The following TMPRSS6 variants were observed in gnomAD, a reference collection of about 807,000 sequenced individuals.
TMPRSS6 encodes the protein transmembrane protease serine 6.
TMPRSS6 carries 67 observed loss-of-function variants against 101.5 expected under a neutral mutation model. That is an observed-to-expected ratio of 0.66 (90% CI 0.54 to 0.81). The LOEUF is 0.81. Among genes scored for constraint, TMPRSS6 ranks in the 30% least tolerant of loss-of-function variants. The pLI is 0.00. For synonymous variants in TMPRSS6, 453 were observed against 464.9 expected (o/e 0.97, Z 0.33); for missense variants, 1,034 against 1,088.7 (o/e 0.95, Z 0.71).
In TMPRSS6 at chr22:37,070,621, A is replaced by T. The variant is rs749875302; in HGVS notation, c.1704T>A (p.Ile568=). ...DCGLQGPSSR[I]VGGAVSSEGE... ...CCTCGGAGGACACAGCTCCACCAAC[A>T]ATGCGGCTGGAGGGGCCCTGGAGGC... The change falls in exon 15 of 18, where the codon ATT becomes ATA. Residue 568 remains isoleucine, a synonymous_variant. Coordinates refer to ENST00000676104, the MANE Select transcript of TMPRSS6 (RefSeq NM_001374504.1). 1 of 1,612,876 alleles carries T rather than the reference A, an allele frequency of 6.2e-7. No individual in the cohort carries two copies. Among genetic ancestry groups the T allele is most frequent in the Non-Finnish European group, 8.5e-7 (1 of 1,179,940 alleles).
At chr22:37,076,546 T>C (rs1167840419) in intron 10 of TMPRSS6, among the ~76,000 whole-genome samples, 1 of 151,756 alleles carries the variant, frequency 6.6e-6, no homozygotes, top group African/African-American at 2.4e-5. Context: ...AGCCCTCCCA[T>C]CTCCAGGGCA....
intron 1 of TMPRSS6, among the ~76,000 whole-genome samples, chr22:37,104,758 C>T (rs959240371): frequency 6.6e-6 from 1 of 152,044 alleles, no homozygotes. Flanking sequence ...GTCAGGAGTT[C>T]GAGATCAGCC....
At chr22:37,084,871 TC>T in intron 8 of TMPRSS6, 32 bp from the exon 9 acceptor site, 6 of 1,530,802 alleles carry the variant, frequency 3.9e-6, no homozygotes, top group Non-Finnish European at 3.5e-6. Flanking sequence ...TACACAGGGG[TC>T]CCCTGGCTGC....
At chr22:37,090,735 G>C (rs1228893795) in intron 6 of TMPRSS6, among the ~76,000 whole-genome samples, 1 of 152,166 alleles carries the variant, frequency 6.6e-6, no homozygotes, top group Non-Finnish European at 1.5e-5. Context: ...AGAATGGGAC[G>C]ATAACACCAC....
chr22:37,068,427 G>GTC (rs1441832907), intron 16 of TMPRSS6, among the ~76,000 whole-genome samples: 7 of 152,256 alleles, frequency 4.6e-5, no homozygotes, highest in Admixed American at 4.6e-4. Flanking sequence ...TGCAGGGCAT[G>GTC]TCTGTAGGTT....
At chr22:37,085,769 A>G (rs1928690689) in intron 8 of TMPRSS6, among the ~76,000 whole-genome samples, 2 of 152,122 alleles carry the variant, frequency 1.3e-5, no homozygotes, top group African/African-American at 4.8e-5. Context: ...CTGTGCTGCC[A>G]TCACACCTCC....
In TMPRSS6 at chr22:37,089,664, G is replaced by T; in HGVS notation, c.750C>A (p.Leu250=). ...LQGPKDLMLK[L]RLEWTLAECR... is the part of the protein sequence containing the mutation. ...ACTCTGCCAGCGTCCACTCCAGCCG[G>T]AGTTTGAGCATGAGGTCCTTGGGGC... Residue 250 remains leucine, a synonymous_variant, in exon 7 of 18, where the codon CTC becomes CTA. Transcript: ENST00000676104. 6.2e-7 allele frequency: 1 copy of T among 1,612,842 alleles called. No homozygotes were observed. The highest frequency in any genetic ancestry group is 8.5e-7 in the Non-Finnish European group (1 of 1,179,522).
At chr22:37,084,885 C>T in intron 8 of TMPRSS6, 46 bp from the exon 9 acceptor site, 1 of 1,472,152 alleles carries the variant, frequency 6.8e-7, no homozygotes, top group Non-Finnish European at 9.3e-7. Flanking sequence ...CTGGCTGCAC[C>T]TCCCAGCAGG....
chr22:37,086,050 G>C (rs1025636984), intron 8 of TMPRSS6, among the ~76,000 whole-genome samples: 1 of 145,120 alleles, frequency 6.9e-6, no homozygotes, highest in Non-Finnish European at 1.5e-5. Context: ...ATGCCAGGAA[G>C]ACAGAGACTG....
At chr22:37,097,722 G>A (rs1430267137) in intron 3 of TMPRSS6, among the ~76,000 whole-genome samples, 4 of 122,974 alleles carry the variant, frequency 3.3e-5, no homozygotes, top group Non-Finnish European at 6.8e-5. Flanking sequence ...GGGCAGGAGC[G>A]GGCCACCGTC....
At chr22:37,067,870 A>C (rs1926474628) in intron 16 of TMPRSS6, among the ~76,000 whole-genome samples, 1 of 152,118 alleles carries the variant, frequency 6.6e-6, no homozygotes. Flanking sequence ...CCTGTCTGCC[A>C]TTCTGGTTGC....
At chr22:37,082,081 C>T (rs1395836465) in intron 10 of TMPRSS6, among the ~76,000 whole-genome samples, 2 of 152,164 alleles carry the variant, frequency 1.3e-5, no homozygotes, top group African/African-American at 2.4e-5. Flanking sequence ...AGGGCCTTCC[C>T]ACAGGAAGCA....
intron 2 of TMPRSS6, among the ~76,000 whole-genome samples, chr22:37,099,945 T>G (rs541033394): frequency 1.5e-5 from 2 of 137,468 alleles, no homozygotes; most frequent in African/African-American, 2.5e-5. Context: ...TGGGAGGTGG[T>G]TTTTTTGTTT....
intron 10 of TMPRSS6, among the ~76,000 whole-genome samples, chr22:37,079,063 C>G (rs1050174951): frequency 2.0e-5 from 3 of 150,900 alleles, no homozygotes; most frequent in African/African-American, 7.3e-5. Context: ...CACTGGACTA[C>G]CCTACCCCCC....
chr22:37,097,718 G>A (rs1286259254), intron 3 of TMPRSS6, among the ~76,000 whole-genome samples: 1 of 117,608 alleles, frequency 8.5e-6, no homozygotes, highest in Non-Finnish European at 1.8e-5. Flanking sequence ...AGAGGGGCAG[G>A]AGCGGGCCAC....
intron 12 of TMPRSS6, 68 bp from the exon 13 acceptor site, chr22:37,073,713 C>T: frequency 2.1e-6 from 2 of 973,182 alleles, no homozygotes; most frequent in Non-Finnish European, 1.7e-6. Context: ...CTTGGCGATG[C>T]CTGTAGAAGG....
chr22:37,081,971 T>A (rs1210586825), intron 10 of TMPRSS6, among the ~76,000 whole-genome samples: 1 of 152,184 alleles, frequency 6.6e-6, no homozygotes, highest in Non-Finnish European at 1.5e-5. Context: ...GACTCTCCCA[T>A]CCGTGTTCCA....
chr22:37,089,500 CTG>C, intron 7 of TMPRSS6, 76 bp downstream of exon 7: 1 of 1,378,072 alleles, frequency 7.3e-7, no homozygotes, highest in South Asian at 1.2e-5. Flanking sequence ...TCTAAGAATG[CTG>C]TGTGTGACTT....
chr22:37,090,713 T>G (rs1313021816), intron 6 of TMPRSS6, among the ~76,000 whole-genome samples: 4 of 152,188 alleles, frequency 2.6e-5, no homozygotes, highest in Admixed American at 2.6e-4. Flanking sequence ...GGGCCTTGCT[T>G]TCCTCATCTA....
Sources: gnomAD v4.1 joint callset for allele counts (sites outside exome capture counted in the v4.1 genomes callset) on GRCh38, gnomAD v4.1.1 for gene constraint, MANE v1.5 for transcripts, NCBI Gene and HGNC (gene_info 2026-07-23, HGNC 2026-07-21) for gene names.